The following GRIA2 variants were observed in gnomAD, a reference collection of about 807,000 sequenced individuals.
GRIA2 encodes the protein glutamate ionotropic receptor AMPA type subunit 2.
A neutral mutation model predicts 97.3 loss-of-function variants in GRIA2; 14 were observed. That is an observed-to-expected ratio of 0.14 (90% CI 0.10 to 0.23). GRIA2 has a LOEUF of 0.23. Among genes scored for constraint, GRIA2 ranks in the 10% least tolerant of loss-of-function variants. The probability of loss-of-function intolerance (pLI) is 1.00; values close to 1 mark genes in which losing one functional copy is unlikely to be tolerated. For missense variants in GRIA2, 558 were observed against 1,069.8 expected, an observed-to-expected ratio of 0.52 and a Z score of 6.67; for synonymous variants, 412 against 387.8, an observed-to-expected ratio of 1.06 and a Z score of -0.73.
Position 157,237,244 on chromosome 4 carries a change from C to T in GRIA2, c.229+15437C>T, listed in dbSNP as rs371339609. On this transcript the variant is annotated intron_variant, in intron 2 of 15. Transcript: ENST00000264426. ...TCGTAAGGTTAGCCAATTGTCACAA[C>T]GTATATAAACATGAATTTTTACTTC... Among the ~76,000 whole-genome samples, 359 of 151,090 alleles carry T rather than the reference C, an allele frequency of 2.4e-3. 2 individuals carry two copies. The Middle Eastern group carries it at 0.039, about 16-fold the overall frequency.
chr4:157,335,185 A>T (rs1735226503), intron 9 of GRIA2: 1 of 175,574 alleles, frequency 5.7e-6, no homozygotes, highest in African/African-American at 2.4e-5. Flanking sequence ...CATGACAATG[A>T]TCCTGTCAGT....
chr4:157,303,036 T>A, intron 2 of GRIA2, among the ~76,000 whole-genome samples: 1 of 152,170 alleles, frequency 6.6e-6, no homozygotes, highest in East Asian at 1.9e-4. Flanking sequence ...TGTGGGGACA[T>A]GCGTCTGTAT....
chr4:157,290,152 G>A (rs1294694533), intron 2 of GRIA2, among the ~76,000 whole-genome samples: 1 of 151,746 alleles, frequency 6.6e-6, no homozygotes, highest in African/African-American at 2.4e-5. Context: ...TTTTCCCAAA[G>A]CATTTTTAAA....
chr4:157,265,397 T>G (rs1173990863), intron 2 of GRIA2, among the ~76,000 whole-genome samples: 1 of 152,110 alleles, frequency 6.6e-6, no homozygotes, highest in East Asian at 1.9e-4. Flanking sequence ...TTTTGCCATG[T>G]GTAAATTCAG....
In GRIA2 at chr4:157,321,425, G is replaced by C; in HGVS notation, c.721-13G>C. 6.3e-7 allele frequency: 1 copy of C among 1,592,828 alleles called. No individual in the cohort carries two copies. The highest frequency in any genetic ancestry group is 8.6e-7 in the Non-Finnish European group (1 of 1,166,184). On this transcript the variant is annotated splice_polypyrimidine_tract_variant and intron_variant, in intron 5 of 15. Coordinates refer to ENST00000264426, the MANE Select transcript of GRIA2 (RefSeq NM_001083619.3). ...CAAACAAAAAGCGTGATATCAATGT[G>C]TTCTATGTTTAGGGATTTACTGATG...
chr4:157,266,674 G>C (rs1731785176), intron 2 of GRIA2, among the ~76,000 whole-genome samples: 1 of 152,082 alleles, frequency 6.6e-6, no homozygotes, highest in Non-Finnish European at 1.5e-5. Context: ...ATCTGGAGAT[G>C]TTTGGCTGCA....
intron 12 of GRIA2, among the ~76,000 whole-genome samples, chr4:157,343,698 T>C (rs1047602826): frequency 1.3e-5 from 2 of 152,096 alleles, no homozygotes; most frequent in Non-Finnish European, 2.9e-5. Flanking sequence ...AATCACATTA[T>C]TCTGTTTGTA....
At chr4:157,303,868 A>C in intron 3 of GRIA2, 77 bp downstream of exon 3, 15 of 1,455,828 alleles carry the variant, frequency 1.0e-5, no homozygotes, top group Non-Finnish European at 1.3e-5. Context: ...GATGTTATAA[A>C]GCTACAAAGG....
At chr4:157,285,030 A>G (rs1732774383) in intron 2 of GRIA2, among the ~76,000 whole-genome samples, 1 of 151,740 alleles carries the variant, frequency 6.6e-6, no homozygotes, top group Non-Finnish European at 1.5e-5. Context: ...TGATGAATTC[A>G]CATATCTACT....
chr4:157,323,057 C>T (rs570064239), intron 6 of GRIA2, among the ~76,000 whole-genome samples: 129 of 152,072 alleles, frequency 8.5e-4, no homozygotes, highest in Non-Finnish European at 1.4e-3. Flanking sequence ...TATTTGTGGC[C>T]GGGCGCAGTG....
intron 2 of GRIA2, among the ~76,000 whole-genome samples, chr4:157,227,954 G>A (rs914503354): frequency 6.6e-6 from 1 of 152,108 alleles, no homozygotes; most frequent in Admixed American, 6.5e-5. Flanking sequence ...AAAAAGGAAT[G>A]TGATTCTTAC....
chr4:157,312,121 T>C (rs551232167), intron 3 of GRIA2, among the ~76,000 whole-genome samples: 20 of 151,714 alleles, frequency 1.3e-4, no homozygotes, highest in African/African-American at 4.3e-4. Context: ...CAGAAGACTG[T>C]GGAAGGAAAA....
At chr4:157,298,378 T>C (rs1733449741) in intron 2 of GRIA2, among the ~76,000 whole-genome samples, 1 of 151,924 alleles carries the variant, frequency 6.6e-6, no homozygotes, top group Non-Finnish European at 1.5e-5. Context: ...ATGGATGACA[T>C]GCATAGGACA....
At chr4:157,255,071 C>T (rs544724905) in intron 2 of GRIA2, among the ~76,000 whole-genome samples, 1 of 152,068 alleles carries the variant, frequency 6.6e-6, no homozygotes, top group South Asian at 2.1e-4. Flanking sequence ...CTCATCCCTA[C>T]CACCTTCTCT....
intron 6 of GRIA2, 132 bp from the exon 7 acceptor site, chr4:157,332,687 G>A: frequency 1.6e-6 from 1 of 611,718 alleles, no homozygotes; most frequent in Non-Finnish European, 2.9e-6. Flanking sequence ...GTTTCTAGAT[G>A]CAGAAATTGT....
intron 2 of GRIA2, chr4:157,249,890 A>G (rs1730947387): frequency 6.6e-6 from 1 of 152,156 alleles, no homozygotes; most frequent in Non-Finnish European, 1.5e-5. Context: ...CTTATAAGTA[A>G]TATTTATGGT....
At chr4:157,358,704 A>G (rs1290786326) in intron 12 of GRIA2, among the ~76,000 whole-genome samples, 1 of 152,094 alleles carries the variant, frequency 6.6e-6, no homozygotes, top group Non-Finnish European at 1.5e-5. Flanking sequence ...CTGTTATGCT[A>G]TCATAAACCC....
intron 11 of GRIA2, among the ~76,000 whole-genome samples, chr4:157,339,242 T>C (rs1735441660): frequency 6.6e-6 from 1 of 151,988 alleles, no homozygotes; most frequent in Admixed American, 6.6e-5. Context: ...TATAAAAACA[T>C]ATATCATTTA....
At chr4:157,326,227 T>A (rs1456381518) in intron 6 of GRIA2, among the ~76,000 whole-genome samples, 1 of 152,190 alleles carries the variant, frequency 6.6e-6, no homozygotes, top group Non-Finnish European at 1.5e-5. Flanking sequence ...CTCTTTCAAA[T>A]CCTGTCTTCT....
Sources: allele counts gnomAD v4.1 joint callset (sites outside exome capture counted in the v4.1 genomes callset), GRCh38; gene constraint gnomAD v4.1.1; transcripts MANE v1.5; gene names NCBI Gene and HGNC (gene_info 2026-07-23, HGNC 2026-07-21).